ADGRL3: variants seen among roughly 807,000 people sequenced by gnomAD.
The protein encoded by ADGRL3 is adhesion G protein-coupled receptor L3.
In ADGRL3, 62 loss-of-function variants were observed where a neutral mutation model predicts 153.5. That is an observed-to-expected ratio of 0.40 (90% CI 0.33 to 0.50). ADGRL3 has a LOEUF of 0.50. Ranked by LOEUF, ADGRL3 falls within the 20% of genes least tolerant of loss-of-function variation. The pLI is 0.47. For synonymous variants in ADGRL3, 710 were observed against 672.5 expected (o/e 1.06, Z -0.86); for missense variants, 1,641 against 1,859.4 (o/e 0.88, Z 2.16).
At chr4:61,747,928 G>A (rs2096691376) in intron 8 of ADGRL3, among the ~76,000 whole-genome samples, 1 of 152,090 alleles carries the variant, frequency 6.6e-6, no homozygotes, top group Non-Finnish European at 1.5e-5. Context: ...GTCCCTGTTT[G>A]CAGATGACAT....
intron 3 of ADGRL3, among the ~76,000 whole-genome samples, chr4:61,501,925 C>G (rs1441667145): frequency 6.6e-6 from 1 of 152,062 alleles, no homozygotes; most frequent in African/African-American, 2.4e-5. Flanking sequence ...TTCTCTTTTT[C>G]TGTTTTCCAT....
intron 2 of ADGRL3, chr4:61,427,362 C>T (rs1024401393): frequency 1.3e-5 from 2 of 152,902 alleles, no homozygotes; most frequent in African/African-American, 4.8e-5. Context: ...CTGTGTTAAC[C>T]GCCTGCTCAC....
At chr4:61,318,537 G>C (rs954724064) in intron 1 of ADGRL3, among the ~76,000 whole-genome samples, 2 of 152,124 alleles carry the variant, frequency 1.3e-5, no homozygotes, top group Admixed American at 1.3e-4. Context: ...TAATTTCCCT[G>C]ATTTGAGTCA....
intron 6 of ADGRL3, among the ~76,000 whole-genome samples, chr4:61,703,026 A>G (rs1259614700): frequency 3.3e-5 from 5 of 152,054 alleles, no homozygotes; most frequent in African/African-American, 1.2e-4. Context: ...GATGTTTTTT[A>G]AACATACATT....
rs1745737372 is a variant in ADGRL3 at position 62,071,761 on chromosome 4, T to A, written c.*853T>A. On this transcript the variant is annotated 3_prime_UTR_variant, in exon 27 of 27. Coordinates refer to ENST00000683033, the MANE Select transcript of ADGRL3 (RefSeq NM_001387552.1). ...TTTTCTTTTTTTCTTTTTTGCCTTTTATTCCTTTAAAATTTCGCCTGGCAA... is the reference window on the plus strand; with the variant it reads ...TTTTCTTTTTTTCTTTTTTGCCTTTAATTCCTTTAAAATTTCGCCTGGCAA... 2.4e-6 allele frequency: 1 copy of A among 417,872 alleles called. No homozygotes were observed. Among genetic ancestry groups the A allele is most frequent in the African/African-American group, 2.1e-5 (1 of 47,596 alleles). 25.9% of individuals were successfully genotyped at this position (417,872 alleles called of 1,614,324 possible). A position where few individuals can be genotyped will look rare whatever the true frequency, so the allele number is the denominator to read the frequency against.
At chr4:61,707,906 T>A (rs2095883268) in intron 6 of ADGRL3, among the ~76,000 whole-genome samples, 1 of 152,136 alleles carries the variant, frequency 6.6e-6, no homozygotes, top group Non-Finnish European at 1.5e-5. Flanking sequence ...ACTCACCATG[T>A]CACTGCTTGT....
chr4:61,418,438 G>GGGAAAC (rs2097168560), intron 2 of ADGRL3, among the ~76,000 whole-genome samples: 3 of 142,820 alleles, frequency 2.1e-5, no homozygotes, highest in East Asian at 3.1e-4. Context: ...CTTCACAATG[G>GGGAAAC]CAGCAAATTT....
intron 5 of ADGRL3, among the ~76,000 whole-genome samples, chr4:61,637,105 T>C (rs1056508559): frequency 6.6e-6 from 1 of 152,214 alleles, no homozygotes; most frequent in Non-Finnish European, 1.5e-5. Flanking sequence ...CAGGTTGAAC[T>C]GTGCATATGT....
intron 5 of ADGRL3, among the ~76,000 whole-genome samples, chr4:61,605,355 A>G (rs2099028425): frequency 6.6e-6 from 1 of 152,090 alleles, no homozygotes. Flanking sequence ...CTTTTTGTGT[A>G]TAGGCATGGA....
intron 1 of ADGRL3, among the ~76,000 whole-genome samples, chr4:61,337,398 G>A (rs748080587): frequency 4.6e-5 from 7 of 152,084 alleles, no homozygotes; most frequent in Non-Finnish European, 1.0e-4. Flanking sequence ...CCATTACTTT[G>A]CAGTTAGAAT....
intron 15 of ADGRL3, among the ~76,000 whole-genome samples, chr4:61,938,010 G>A (rs1297269093): frequency 6.6e-6 from 1 of 152,104 alleles, no homozygotes; most frequent in Non-Finnish European, 1.5e-5. Context: ...TCCCAACTCA[G>A]CCTCCCATAG....
rs886641176 is a variant in ADGRL3 at position 61,841,820 on chromosome 4, T to C, written c.1480+27931T>C. Among the ~76,000 whole-genome samples, 61 of 152,322 alleles carry C rather than the reference T, an allele frequency of 4.0e-4. 1 individual carries two copies. The highest frequency in any genetic ancestry group is 1.5e-3 in the South Asian group (7 of 4,826). ...TTTCGAGTTCCTTGCTGTCTAGACT[T>C]TACTCTTGTGTGTGCACACATTGTT... On this transcript the variant is annotated intron_variant, in intron 9 of 26. Transcript: ENST00000683033.
intron 3 of ADGRL3, among the ~76,000 whole-genome samples, chr4:61,500,264 T>G (rs1442967653): frequency 6.6e-6 from 1 of 152,288 alleles, no homozygotes; most frequent in East Asian, 1.9e-4. Context: ...ACTTATAAAC[T>G]TTATCCTTTA....
intron 5 of ADGRL3, among the ~76,000 whole-genome samples, chr4:61,592,205 G>A (rs2098972553): frequency 1.3e-5 from 2 of 152,060 alleles, no homozygotes; most frequent in Non-Finnish European, 2.9e-5. Context: ...GAAGTCATTC[G>A]GGGTGATGCT....
chr4:61,965,729 C>T (rs755577566), intron 17 of ADGRL3, among the ~76,000 whole-genome samples: 7 of 151,682 alleles, frequency 4.6e-5, no homozygotes, highest in Admixed American at 2.0e-4. Flanking sequence ...CCAGTCTGGG[C>T]GACTGAGCAA....
At chr4:61,866,050 G>A (rs2149330242) in intron 9 of ADGRL3, among the ~76,000 whole-genome samples, 1 of 152,298 alleles carries the variant, frequency 6.6e-6, no homozygotes, top group Admixed American at 6.5e-5. Flanking sequence ...TGGGAATCCA[G>A]TTGTATACCT....
intron 8 of ADGRL3, among the ~76,000 whole-genome samples, chr4:61,797,712 GA>G (rs1158740793): frequency 2.2e-5 from 3 of 137,762 alleles, no homozygotes; most frequent in Non-Finnish European, 4.6e-5. Flanking sequence ...CACTACTAGA[GA>G]AAAAAACCCA....
intron 9 of ADGRL3, among the ~76,000 whole-genome samples, chr4:61,886,565 A>G (rs1181392924): frequency 6.6e-6 from 1 of 151,542 alleles, no homozygotes; most frequent in Admixed American, 6.6e-5. Context: ...TAAAAAAGAA[A>G]ATTAATACAT....
At chr4:61,304,854 T>A (rs528121031) in intron 1 of ADGRL3, among the ~76,000 whole-genome samples, 1 of 152,314 alleles carries the variant, frequency 6.6e-6, no homozygotes, top group African/African-American at 2.4e-5. Context: ...GATAGGAAGG[T>A]TCTATCCATC....
Sources: gnomAD v4.1 joint callset for allele counts (sites outside exome capture counted in the v4.1 genomes callset) on GRCh38, gnomAD v4.1.1 for gene constraint, MANE v1.5 for transcripts, NCBI Gene and HGNC (gene_info 2026-07-23, HGNC 2026-07-21) for gene names.